Variants in SNX29 observed in about 807,000 individuals in gnomAD.
SNX29 encodes sorting nexin-29.
SNX29 carries 78 observed loss-of-function variants against 102.1 expected under a neutral mutation model. The ratio of observed to expected loss-of-function variants is 0.76; its 90% CI spans 0.64 to 0.92. The LOEUF (loss-of-function observed/expected upper bound fraction) is 0.92, where lower values mean the gene tolerates loss of function less well. Among genes scored for constraint, SNX29 ranks in the 40% least tolerant of loss-of-function variants. The pLI is 0.00. For synonymous variants in SNX29, 580 were observed against 414.5 expected (o/e 1.40, Z -4.85); for missense variants, 1,280 against 1,061.7 (o/e 1.21, Z -2.86).
chr16:12,240,383 T>C (rs2078065593), intron 14 of SNX29, among the ~76,000 whole-genome samples: 3 of 152,176 alleles, frequency 2.0e-5, no homozygotes, highest in Admixed American at 1.3e-4. Flanking sequence ...AGTTGCTAAT[T>C]TGATTGCAAG....
intron 16 of SNX29, chr16:12,373,670 A>C (rs933525259): frequency 1.3e-5 from 2 of 152,206 alleles, no homozygotes; most frequent in Admixed American, 6.5e-5. Context: ...TGTCCCCAGC[A>C]CCTGATACAG....
intron 20 of SNX29, 120 bp downstream of exon 20, chr16:12,524,961 G>A: frequency 7.1e-7 from 1 of 1,415,602 alleles, no homozygotes; most frequent in East Asian, 2.3e-5. Flanking sequence ...TGGGACCCAG[G>A]CGAACTCCAG....
intron 14 of SNX29, among the ~76,000 whole-genome samples, chr16:12,274,538 C>CTT (rs1305519048): frequency 7.9e-5 from 12 of 150,948 alleles, no homozygotes; most frequent in African/African-American, 2.9e-4. Flanking sequence ...TTCTCCCCAC[C>CTT]TCTTTTTTTT....
At chr16:12,245,015 G>A (rs1014358942) in intron 14 of SNX29, among the ~76,000 whole-genome samples, 7 of 152,188 alleles carry the variant, frequency 4.6e-5, no homozygotes, top group Non-Finnish European at 8.8e-5. Context: ...TGGTAGCATC[G>A]CTTTAAAAAT....
At chr16:12,543,602 C>T (rs370169894) in intron 20 of SNX29, among the ~76,000 whole-genome samples, 53 of 152,060 alleles carry the variant, frequency 3.5e-4, no homozygotes, top group Middle Eastern at 3.4e-3. Context: ...TCATCCTCCC[C>T]GATGGAGTGG....
chr16:12,148,358 G>A (rs1340717594), intron 13 of SNX29, among the ~76,000 whole-genome samples: 3 of 152,232 alleles, frequency 2.0e-5, no homozygotes, highest in Non-Finnish European at 2.9e-5. Context: ...TTCTGGTAAT[G>A]TGAGCTAAGG....
At chr16:12,550,964 T>C (rs1380164052) in intron 20 of SNX29, among the ~76,000 whole-genome samples, 3 of 152,202 alleles carry the variant, frequency 2.0e-5, no homozygotes, top group African/African-American at 7.2e-5. Context: ...TAGAATGGGC[T>C]TAGGGCACAA....
chr16:12,520,948 C>G (rs1270964608), intron 19 of SNX29, among the ~76,000 whole-genome samples: 1 of 152,136 alleles, frequency 6.6e-6, no homozygotes, highest in Non-Finnish European at 1.5e-5. Flanking sequence ...CCTGTAATCC[C>G]AGTACTTTGG....
At chr16:12,366,042 CAAAAAAAAAAAAA>C (rs55895030) in intron 16 of SNX29, among the ~76,000 whole-genome samples, 11,838 of 72,718 alleles carry the variant, frequency 0.16, 1,028 homozygotes, top group East Asian at 0.48. Context: ...ACTCTTGTCT[CAAAAAAAAAAAAA>C]AAAAAAAAAA....
chr16:12,431,587 A>T (rs1243527471), intron 18 of SNX29, among the ~76,000 whole-genome samples: 14 of 152,156 alleles, frequency 9.2e-5, no homozygotes. Flanking sequence ...TTCCCTTAAA[A>T]AAAAAAGTTG....
intron 19 of SNX29, among the ~76,000 whole-genome samples, chr16:12,494,193 C>T (rs780682087): frequency 1.3e-4 from 20 of 152,222 alleles, no homozygotes; most frequent in South Asian, 4.1e-4. Flanking sequence ...ACAACAACAG[C>T]GAACTCTTGC....
At chr16:12,378,098 G>A (rs1046346301) in intron 16 of SNX29, among the ~76,000 whole-genome samples, 33 of 152,210 alleles carry the variant, frequency 2.2e-4, no homozygotes, top group African/African-American at 7.7e-4. Flanking sequence ...AAGTCCAGAG[G>A]TAGGTGAGTG....
chr16:12,388,649 A>C (rs1297317955), intron 16 of SNX29, among the ~76,000 whole-genome samples: 1 of 152,214 alleles, frequency 6.6e-6, no homozygotes, highest in Non-Finnish European at 1.5e-5. Context: ...TAGATGATAC[A>C]TAACTGGCTG....
At chr16:12,398,585 A>T in intron 17 of SNX29, 84 bp downstream of exon 17, 1 of 1,494,546 alleles carries the variant, frequency 6.7e-7, no homozygotes, top group Non-Finnish European at 9.3e-7. Flanking sequence ...CCACAGGGGG[A>T]AACAGAAATC....
At chr16:12,563,756 C>T (rs534752079) in intron 20 of SNX29, among the ~76,000 whole-genome samples, 25 of 152,366 alleles carry the variant, frequency 1.6e-4, no homozygotes, top group African/African-American at 5.5e-4. Context: ...ACAGCCACAA[C>T]TTCTCCACCC....
At chr16:12,436,516 C>T (rs1424283444) in intron 18 of SNX29, among the ~76,000 whole-genome samples, 1 of 152,344 alleles carries the variant, frequency 6.6e-6, no homozygotes, top group Non-Finnish European at 1.5e-5. Context: ...GCATTCATAC[C>T]CCTGACTGCT....
rs113868205 is a variant in SNX29 at position 12,540,498 on chromosome 16, G to A, written c.2318+15657G>A. On this transcript the variant is annotated intron_variant, in intron 20 of 20. Transcript: ENST00000566228. ...CAGTCAAGGTGTCGGCAGGGCTGGC[G>A]CCTTCTCGAGGTTGTGGGGCAGAAT... Among the ~76,000 whole-genome samples, 355 of 152,326 alleles carry A rather than the reference G, an allele frequency of 2.3e-3. 2 individuals carry two copies. The highest frequency in any genetic ancestry group is 0.01 in the Middle Eastern group (3 of 294).
chr16:12,127,276 T>C (rs541533383), intron 12 of SNX29, among the ~76,000 whole-genome samples: 1 of 151,084 alleles, frequency 6.6e-6, no homozygotes, highest in African/African-American at 2.4e-5. Context: ...AAAAATAAAA[T>C]AAAATAAAAA....
intron 19 of SNX29, among the ~76,000 whole-genome samples, chr16:12,490,522 T>A (rs2088494039): frequency 3.3e-5 from 5 of 152,208 alleles, no homozygotes; most frequent in Admixed American, 2.0e-4. Flanking sequence ...CTTACATACT[T>A]CTTCTGCTGG....
Sources: gnomAD v4.1 joint callset for allele counts (sites outside exome capture counted in the v4.1 genomes callset) on GRCh38, gnomAD v4.1.1 for gene constraint, MANE v1.5 for transcripts, NCBI Gene and HGNC (gene_info 2026-07-23, HGNC 2026-07-21) for gene names.